The following APC variants were observed in gnomAD, a reference collection of about 807,000 sequenced individuals.
APC encodes adenomatous polyposis coli protein.
Under a neutral mutation model 247.0 loss-of-function variants are expected in APC, and 72 were observed. The ratio of observed to expected loss-of-function variants is 0.29; its 90% CI spans 0.24 to 0.35. APC has a LOEUF of 0.35. Among genes scored for constraint, APC ranks in the 10% least tolerant of loss-of-function variants. The pLI is 1.00. For missense variants in APC, 3,400 were observed against 3,360.7 expected, an observed-to-expected ratio of 1.01 and a Z score of -0.29; for synonymous variants, 1,254 against 1,162.5, an observed-to-expected ratio of 1.08 and a Z score of -1.60.
intron 8 of APC, among the ~76,000 whole-genome samples, chr5:112,804,713 G>A (rs1761190961): frequency 3.9e-5 from 6 of 152,172 alleles, no homozygotes; most frequent in Admixed American, 3.9e-4. Context: ...TAGCAAGTAT[G>A]CTGGGCATGG....
At chr5:112,720,063 C>T (rs1251912945) in intron 1 of APC, among the ~76,000 whole-genome samples, 9 of 152,166 alleles carry the variant, frequency 5.9e-5, no homozygotes, top group Non-Finnish European at 1.2e-4. Context: ...TTCTTCTAGG[C>T]AAACTAAGCT....
At chr5:112,727,120 A>AG (rs1393975454) in intron 1 of APC, among the ~76,000 whole-genome samples, 1 of 151,918 alleles carries the variant, frequency 6.6e-6, no homozygotes, top group East Asian at 1.9e-4. Flanking sequence ...ACCTACTCTT[A>AG]GGGGTAGTCA....
chr5:112,817,953 T>C (rs1177786987), intron 9 of APC, among the ~76,000 whole-genome samples: 1 of 152,204 alleles, frequency 6.6e-6, no homozygotes, highest in Non-Finnish European at 1.5e-5. Flanking sequence ...TAAAGGTGTA[T>C]GTGTATTTAC....
At chr5:112,716,808 A>G (rs1751197366) in intron 1 of APC, among the ~76,000 whole-genome samples, 1 of 152,226 alleles carries the variant, frequency 6.6e-6, no homozygotes, top group South Asian at 2.1e-4. Flanking sequence ...GTACTTGCAC[A>G]TTAAAGTCTA....
intron 13 of APC, among the ~76,000 whole-genome samples, 172 bp downstream of exon 13, chr5:112,828,178 T>TA (rs1763916853): frequency 6.6e-6 from 1 of 152,040 alleles, no homozygotes; most frequent in Non-Finnish European, 1.5e-5. Context: ...GGCCTACAGG[T>TA]GCACACCACC....
chr5:112,787,026 T>A (rs1462369959), intron 6 of APC, among the ~76,000 whole-genome samples: 1 of 151,992 alleles, frequency 6.6e-6, no homozygotes, highest in African/African-American at 2.4e-5. Flanking sequence ...TAGCTGGAAT[T>A]ACAGGCATGT....
At chr5:112,724,242 G>A (rs570561201) in intron 1 of APC, among the ~76,000 whole-genome samples, 48 of 152,156 alleles carry the variant, frequency 3.2e-4, no homozygotes, top group Non-Finnish European at 4.7e-4. Context: ...GACAGTGCTT[G>A]TATAGTTATG....
At position 112,845,129 on chromosome 5, in the gene APC, AT is replaced by A; in HGVS notation, c.*1005del. 4.3e-6 allele frequency: 1 copy of A among 232,556 alleles called. No individual in the cohort carries two copies. Among genetic ancestry groups the A allele is most frequent in the Non-Finnish European group, 8.5e-6 (1 of 117,352 alleles). 14.4% of individuals were successfully genotyped at this position (232,556 alleles called of 1,614,324 possible). Reference sequence around the variant, plus strand: ...AATTCCTCTTACTGTAATAAAAACAATTGAAGAAGACTGTTGCCACTTAACC... The same window carrying A: ...AATTCCTCTTACTGTAATAAAAACAATGAAGAAGACTGTTGCCACTTAACC... On this transcript the variant is annotated 3_prime_UTR_variant, in exon 16 of 16. Transcript: ENST00000257430.
rs761634030 is a variant in APC at position 112,707,609 on chromosome 5, C to G, written c.-109C>G. ...TCGGGGGGGACCTGCGGGCTCAGGC[C>G]CGGGAGCTGCGGACCGAGGTTGGCT... On this transcript the variant is annotated 5_prime_UTR_variant, in exon 1 of 14. Transcript: ENST00000507379. 2.1e-4 allele frequency: 260 copies of G among 1,220,716 alleles called. 2 individuals are homozygous for G. The highest frequency in any genetic ancestry group is 8.3e-4 in the Admixed American group (36 of 43,598). 75.6% of individuals were successfully genotyped at this position (1,220,716 alleles called of 1,614,324 possible). A position where few individuals can be genotyped will look rare whatever the true frequency, so the allele number is the denominator to read the frequency against.
chr5:112,799,011 A>G (rs1760500592), intron 7 of APC, among the ~76,000 whole-genome samples: 1 of 151,980 alleles, frequency 6.6e-6, no homozygotes, highest in Non-Finnish European at 1.5e-5. Context: ...GGAGTTCAAG[A>G]CCAACCTAAC....
In APC at chr5:112,767,333, G is replaced by C. The variant is rs755660899; in HGVS notation, c.365G>C (p.Gly122Ala). 1 of 1,614,114 alleles carries C rather than the reference G, an allele frequency of 6.2e-7. No homozygotes were observed. ...PVPMGSFPRR[G>A]FVNGSRESTG... ...CCTATGGGTTCATTTCCAAGAAGAG[G>C]GTTTGTAAATGGAAGCAGAGAAAGT... The change falls in exon 4 of 16, where the codon GGG becomes GCG. Residue 122 changes from glycine (G) to alanine (A), a missense_variant. Gly to Ala is a moderately conservative substitution (Grantham distance 60). Transcript: ENST00000257430.
Position 112,835,200 on chromosome 5 carries a change from A to G in APC, c.1958+35A>G, listed in dbSNP as rs1179400538. ...GAGTTTTATATTACTTTTAAAGTAC[A>G]GAATTCATACTCTCAAAAAGACCTA... On this transcript the variant is annotated intron_variant, in intron 15 of 15. Coordinates refer to ENST00000257430, the MANE Select transcript of APC (RefSeq NM_000038.6). 6.5e-7 allele frequency: 1 copy of G among 1,548,840 alleles called. No homozygotes were observed. Among genetic ancestry groups the G allele is most frequent in the East Asian group, 2.4e-5 (1 of 42,282 alleles).
In APC at chr5:112,839,790, G is replaced by A. The variant is rs1431515214; in HGVS notation, c.4196G>A (p.Arg1399His). 2 of 1,614,078 alleles carry A rather than the reference G, an allele frequency of 1.2e-6. No homozygotes were observed. Reference protein sequence around the residue: ...SVSSLDSFESRSIASSVQSEP... With the variant: ...SVSSLDSFESHSIASSVQSEP... ...AGTTCACTTGATAGTTTTGAGAGTC[G>A]TTCGATTGCCAGCTCCGTTCAGAGT... The change falls in exon 16 of 16, where the codon CGT (arginine) becomes CAT (histidine). Residue 1399 changes from arginine to histidine, a missense_variant. Arg to His is a conservative substitution (Grantham distance 29). Transcript: ENST00000257430. The surrounding 1 kb of genome is among the most constrained non-coding windows in gnomAD (Gnocchi z 5.0).
rs778777021 is a variant in APC, at chr5:112,801,290, G to C, written c.741G>C (p.Gln247His). The C allele has an allele frequency of 1.2e-6, 2 of 1,612,646 alleles. No homozygotes were observed. The highest frequency in any genetic ancestry group is 2.2e-5 in the South Asian group (2 of 90,968). Residue 247 changes from glutamine to histidine, a missense_variant, in exon 8 of 16, where the codon CAG (glutamine) becomes CAC (histidine). Gln to His is a conservative substitution (Grantham distance 24). Around this residue, in one of 9 missense-constraint regions of APC, gnomAD observed 372 missense variants for 367.6 expected, o/e 1.01. Transcript: ENST00000257430. Reference protein sequence around the residue: ...SQATEAERSSQNKHETGSHDA... With the variant: ...SQATEAERSSHNKHETGSHDA... Reference sequence around the variant, plus strand: ...CTCCATCTTAACAGAGGTCATCTCAGAACAAGCATGAAACCGGCTCACATG... The same window carrying C: ...CTCCATCTTAACAGAGGTCATCTCACAACAAGCATGAAACCGGCTCACATG...
chr5:112,845,300 C>A lies in APC; in HGVS notation c.*1174C>A, dbSNP rs1464462103. The A allele has an allele frequency of 2.6e-5, 6 of 232,486 alleles. No individual in the cohort carries two copies. The highest frequency in any genetic ancestry group is 5.1e-5 in the Non-Finnish European group (6 of 117,434). 14.4% of individuals were successfully genotyped at this position (232,486 alleles called of 1,614,324 possible). A position where few individuals can be genotyped will look rare whatever the true frequency, so the allele number is the denominator to read the frequency against. ...TAAATTCATGTAATAGCAATGCAAG[C>A]AGCCTAGCACAGACTAAGCATTGAG... On this transcript the variant is annotated 3_prime_UTR_variant, in exon 16 of 16. Coordinates refer to ENST00000257430, the MANE Select transcript of APC (RefSeq NM_000038.6).
At position 112,839,361 on chromosome 5, in the gene APC, A is replaced by C. The variant is rs2149898594; in HGVS notation, c.3767A>C (p.Gln1256Pro). The stretch of plus-strand genomic sequence containing the variant: ...ACTTGCAAAGTTTCTTCTATTAACC[A>C]AGAAACAATACAGACTTATTGTGTA... ...AATCKVSSINQETIQTYCVED... is the reference protein window; with the variant it reads ...AATCKVSSINPETIQTYCVED... The change falls in exon 16 of 16, where the codon CAA becomes CCA. Residue 1256 changes from glutamine to proline, a missense_variant. By Grantham distance (76) the Gln-to-Pro change is moderately conservative. Coordinates refer to ENST00000257430, the MANE Select transcript of APC (RefSeq NM_000038.6). The surrounding 1 kb of genome is among the most constrained non-coding windows in gnomAD (Gnocchi z 5.0). The C allele has an allele frequency of 6.2e-7, 1 of 1,613,408 alleles. No individual in the cohort carries two copies. Among genetic ancestry groups the C allele is most frequent in the South Asian group, 1.1e-5 (1 of 91,026 alleles).
At chr5:112,713,476 G>A (rs561445783) in intron 1 of APC, among the ~76,000 whole-genome samples, 3 of 152,250 alleles carry the variant, frequency 2.0e-5, no homozygotes, top group South Asian at 2.1e-4. Context: ...CTTTAATTAC[G>A]AGGAGGCTGG....
intron 7 of APC, among the ~76,000 whole-genome samples, chr5:112,796,303 C>T (rs541425063): frequency 5.3e-5 from 8 of 152,176 alleles, no homozygotes; most frequent in African/African-American, 1.7e-4. Flanking sequence ...ATTTGGAGAT[C>T]GGAGGGGGTG....
chr5:112,798,329 TC>T (rs1760425779), intron 7 of APC, among the ~76,000 whole-genome samples: 1 of 152,210 alleles, frequency 6.6e-6, no homozygotes, highest in African/African-American at 2.4e-5. Flanking sequence ...GAGATATAAG[TC>T]CATTTATATC....
Sources: gnomAD v4.1 joint callset for allele counts (sites outside exome capture counted in the v4.1 genomes callset) on GRCh38, gnomAD v4.1.1 for gene constraint, gnomAD v4.1.1 regional missense constraint, Gnocchi (gnomAD v3.1) non-coding constraint, MANE v1.5 for transcripts, NCBI Gene and HGNC (gene_info 2026-07-23, HGNC 2026-07-21) for gene names.